GRIK1: variants seen among roughly 807,000 people sequenced by gnomAD.
GRIK1 encodes the protein glutamate ionotropic receptor kainate type subunit 1.
GRIK1 carries 69 observed loss-of-function variants against 105.7 expected under a neutral mutation model. That is an observed-to-expected ratio of 0.65 (90% CI 0.54 to 0.80). The LOEUF (loss-of-function observed/expected upper bound fraction) is 0.80. GRIK1 is among the 30% of genes least tolerant of loss of function. The probability of loss-of-function intolerance (pLI) is 0.00; values close to 1 mark genes in which losing one functional copy is unlikely to be tolerated. For synonymous variants in GRIK1, 438 were observed against 431.3 expected (o/e 1.02, Z -0.19); for missense variants, 1,109 against 1,167.3 (o/e 0.95, Z 0.73).
In GRIK1 at chr21:29,540,186, A is replaced by T. The variant is rs894687277; in HGVS notation, c.2608-2302T>A. Among the ~76,000 whole-genome samples, 50 of 152,144 alleles carry T rather than the reference A, an allele frequency of 3.3e-4. 2 individuals carry two copies. Among genetic ancestry groups the T allele is most frequent in the Non-Finnish European group, 1.0e-4 (7 of 68,018 alleles). Reference sequence around the variant, plus strand: ...AGATATTACCTGACAATCTGTTTCAACTAAGTTTATTTTTTCAAAAAAGGA... The same window carrying T: ...AGATATTACCTGACAATCTGTTTCATCTAAGTTTATTTTTTCAAAAAAGGA... On this transcript the variant is annotated intron_variant, in intron 16 of 17. Transcript: ENST00000327783.
intron 1 of GRIK1, among the ~76,000 whole-genome samples, chr21:29,733,205 T>C (rs1385403909): frequency 1.3e-5 from 2 of 152,124 alleles, no homozygotes; most frequent in African/African-American, 4.8e-5. Context: ...AAATTCTAAA[T>C]ACCAACATAG....
At chr21:29,719,281 A>G (rs950059405) in intron 1 of GRIK1, among the ~76,000 whole-genome samples, 1 of 151,344 alleles carries the variant, frequency 6.6e-6, no homozygotes, top group East Asian at 1.9e-4. Flanking sequence ...TTCCTTAGTG[A>G]TAGTATACTT....
chr21:29,724,242 AT>A (rs879441782), intron 1 of GRIK1, among the ~76,000 whole-genome samples: 82 of 152,210 alleles, frequency 5.4e-4, no homozygotes, highest in Non-Finnish European at 7.9e-4. Context: ...CAACTGATTC[AT>A]TTTTATGATG....
At chr21:29,707,654 C>T (rs1043535214) in intron 1 of GRIK1, among the ~76,000 whole-genome samples, 5 of 151,888 alleles carry the variant, frequency 3.3e-5, no homozygotes, top group Non-Finnish European at 5.9e-5. Flanking sequence ...CGCCACCACA[C>T]CCAGCTAATT....
At chr21:29,811,017 A>G (rs957287133) in intron 1 of GRIK1, among the ~76,000 whole-genome samples, 12 of 152,210 alleles carry the variant, frequency 7.9e-5, no homozygotes, top group Admixed American at 7.9e-4. Context: ...GGCAATTTCA[A>G]CTGTTTATTT....
chr21:29,883,990 G>C (rs466961), intron 1 of GRIK1, among the ~76,000 whole-genome samples: 4 of 151,944 alleles, frequency 2.6e-5, no homozygotes, highest in East Asian at 1.9e-4. Flanking sequence ...TAAAAAGAAG[G>C]GGGGGATGCT....
intron 1 of GRIK1, among the ~76,000 whole-genome samples, chr21:29,843,920 A>T (rs902944736): frequency 6.6e-6 from 1 of 152,160 alleles, no homozygotes; most frequent in East Asian, 1.9e-4. Context: ...TCCTACTTGG[A>T]GGGCAGAAAG....
At chr21:29,898,593 C>T (rs1012229377) in intron 1 of GRIK1, among the ~76,000 whole-genome samples, 13 of 152,112 alleles carry the variant, frequency 8.5e-5, no homozygotes, top group Admixed American at 2.0e-4. Context: ...TGTTTGGTTT[C>T]GTACCTAAAA....
chr21:29,814,201 T>C (rs2067090682), intron 1 of GRIK1, among the ~76,000 whole-genome samples: 1 of 151,458 alleles, frequency 6.6e-6, no homozygotes, highest in Non-Finnish European at 1.5e-5. Flanking sequence ...TCCACCTGCC[T>C]CGGCCTCCCA....
At chr21:29,561,885 G>A in intron 14 of GRIK1, 36 bp from the exon 15 acceptor site, 1 of 1,283,334 alleles carries the variant, frequency 7.8e-7, no homozygotes. Context: ...CAGCAGAAGA[G>A]GGCTGGAAAA....
intron 1 of GRIK1, among the ~76,000 whole-genome samples, chr21:29,741,385 C>T (rs530107483): frequency 1.3e-4 from 20 of 152,122 alleles, no homozygotes; most frequent in Admixed American, 3.9e-4. Context: ...AAACAGCAAT[C>T]GTCACATTTT....
intron 4 of GRIK1, among the ~76,000 whole-genome samples, chr21:29,659,503 TAAATC>T (rs2062919593): frequency 6.6e-6 from 1 of 152,208 alleles, no homozygotes; most frequent in African/African-American, 2.4e-5. Flanking sequence ...ACATAATCCT[TAAATC>T]AGCAGCGGGG....
At chr21:29,734,980 T>A (rs938334664) in intron 1 of GRIK1, among the ~76,000 whole-genome samples, 3 of 152,164 alleles carry the variant, frequency 2.0e-5, no homozygotes, top group African/African-American at 7.2e-5. Context: ...TAATGTTACT[T>A]TCTCAAAGAG....
At chr21:29,779,003 G>T (rs533335160) in intron 1 of GRIK1, among the ~76,000 whole-genome samples, 33 of 152,318 alleles carry the variant, frequency 2.2e-4, no homozygotes, top group Non-Finnish European at 3.5e-4. Flanking sequence ...CGAATTGTGA[G>T]ATAATGCCCC....
rs550505823 is a variant in GRIK1, at chr21:29,618,705, G to A, written c.1099-19768C>T. On this transcript the variant is annotated intron_variant, in intron 7 of 17. Coordinates refer to ENST00000327783, the MANE Select transcript of GRIK1 (RefSeq NM_001330994.2). ...CCATAAAAAGGAATGAATTAATGGC[G>A]TTCACAGCAACCTGGATGAGACTGG... Among the ~76,000 whole-genome samples, 43 of 152,278 alleles carry A rather than the reference G, an allele frequency of 2.8e-4. 1 individual carries two copies. The South Asian group carries it at 7.7e-3, about 27-fold the overall frequency.
At chr21:29,720,437 G>C (rs1484892514) in intron 1 of GRIK1, among the ~76,000 whole-genome samples, 1 of 152,140 alleles carries the variant, frequency 6.6e-6, no homozygotes, top group Admixed American at 6.5e-5. Context: ...CCAGGCACTA[G>C]ATTTAGCTTG....
intron 1 of GRIK1, among the ~76,000 whole-genome samples, chr21:29,855,889 AG>A (rs757991753): frequency 3.9e-5 from 6 of 152,146 alleles, no homozygotes; most frequent in Non-Finnish European, 5.9e-5. Context: ...AAGAATCAAG[AG>A]CAGCTATCTC....
chr21:29,874,170 C>A (rs765879718), intron 1 of GRIK1, among the ~76,000 whole-genome samples: 1 of 152,134 alleles, frequency 6.6e-6, no homozygotes, highest in Non-Finnish European at 1.5e-5. Context: ...GTTTGGGGAC[C>A]CCTGCTATCG....
chr21:29,896,756 G>C (rs2070180002), intron 1 of GRIK1, among the ~76,000 whole-genome samples: 1 of 152,164 alleles, frequency 6.6e-6, no homozygotes, highest in African/African-American at 2.4e-5. Flanking sequence ...GTAAAGATTA[G>C]CTACTTGGGT....
Sources: gnomAD v4.1 joint callset for allele counts (sites outside exome capture counted in the v4.1 genomes callset) on GRCh38, gnomAD v4.1.1 for gene constraint, MANE v1.5 for transcripts, NCBI Gene and HGNC (gene_info 2026-07-23, HGNC 2026-07-21) for gene names.